Variants in PHGDH observed in about 807,000 individuals in gnomAD.
The protein encoded by PHGDH is D-3-phosphoglycerate dehydrogenase.
Under a neutral mutation model 52.6 loss-of-function variants are expected in PHGDH, and 50 were observed. The ratio of observed to expected loss-of-function variants is 0.95; its 90% CI spans 0.76 to 1.20. The LOEUF is 1.20. Ranked by LOEUF, PHGDH falls within the 50% of genes most tolerant of loss-of-function variation. PHGDH has a pLI of 0.00. For synonymous variants in PHGDH, 271 were observed against 280.5 expected, an observed-to-expected ratio of 0.97 and a Z score of 0.34; for missense variants, 630 against 684.6, an observed-to-expected ratio of 0.92 and a Z score of 0.89.
At chr1:119,735,505 G>A in intron 7 of PHGDH, 62 bp downstream of exon 7, 1 of 1,519,252 alleles carries the variant, frequency 6.6e-7, no homozygotes, top group Non-Finnish European at 9.0e-7. Context: ...AGAGGCCCAT[G>A]GCAGGGAAAG....
intron 1 of PHGDH, among the ~76,000 whole-genome samples, chr1:119,716,162 ACT>A (rs973567542): frequency 6.6e-5 from 10 of 152,008 alleles, no homozygotes; most frequent in African/African-American, 2.2e-4. Flanking sequence ...AAGCTCATTA[ACT>A]CTGACTGATG....
chr1:119,734,033 A>C (rs587753026), intron 5 of PHGDH, among the ~76,000 whole-genome samples: 98 of 152,288 alleles, frequency 6.4e-4, no homozygotes, highest in African/African-American at 2.3e-3. Flanking sequence ...GAGGGCATGC[A>C]GTCTTGCTCC....
At chr1:119,725,892 T>A (rs587765231) in intron 3 of PHGDH, among the ~76,000 whole-genome samples, 1 of 152,338 alleles carries the variant, frequency 6.6e-6, no homozygotes, top group East Asian at 1.9e-4. Flanking sequence ...TGGGGAGAAC[T>A]GTTTAACCTC....
chr1:119,728,664 G>A (rs941855957), intron 5 of PHGDH, among the ~76,000 whole-genome samples: 3 of 152,098 alleles, frequency 2.0e-5, no homozygotes, highest in African/African-American at 7.2e-5. Flanking sequence ...AATGAGAGAG[G>A]CAATTCAGCT....
At chr1:119,712,640 C>T (rs374722513) in intron 1 of PHGDH, 154 of 179,232 alleles carry the variant, frequency 8.6e-4, no homozygotes, top group African/African-American at 3.3e-3. Context: ...AGTTCTGGGC[C>T]GCCCCGCCGA....
Position 119,712,167 on chromosome 1 carries a change from C to CGA in PHGDH, c.138+16_138+17dup. 2 of 1,613,222 alleles carry CGA rather than the reference C, an allele frequency of 1.2e-6. No individual in the cohort carries two copies. The highest frequency in any genetic ancestry group is 1.7e-6 in the Non-Finnish European group (2 of 1,179,518). On this transcript the variant is annotated splice_region_variant and intron_variant, in intron 1 of 11. Transcript: ENST00000641023. ...GCTGATAGCGGAGCTGCAGGTAAGG[C>CGA]GAGAGAGAGAAAATTGAGGTCTCTA... is the stretch of plus-strand genomic sequence containing the variant.
At chr1:119,724,530 G>A in intron 3 of PHGDH, 1 of 361,758 alleles carries the variant, frequency 2.8e-6, no homozygotes, top group Non-Finnish European at 5.4e-6. Flanking sequence ...CAGCAGTAGG[G>A]TCTCAGCCTA....
At chr1:119,742,397 A>G in intron 10 of PHGDH, 1 of 384,210 alleles carries the variant, frequency 2.6e-6, no homozygotes, top group Non-Finnish European at 4.9e-6. Context: ...CAGAAGGGAT[A>G]GGCAGTAGAG....
rs1275809847 is a variant in PHGDH, at chr1:119,740,421, A to T, written c.981A>T (p.Pro327=). 7 of 1,613,688 alleles carry T rather than the reference A, an allele frequency of 4.3e-6. No individual in the cohort carries two copies. The highest frequency in any genetic ancestry group is 5.9e-6 in the Non-Finnish European group (7 of 1,179,876). ...NAQALTSAFS[P]HTKPWIGLAE... ...AGGCCCTTACCAGTGCCTTCTCTCC[A>T]CACACCAAGCCTTGGATTGGTCTGG... Residue 327 remains proline (P), a synonymous_variant, in exon 9 of 12, where the codon CCA becomes CCT. Coordinates refer to ENST00000641023, the MANE Select transcript of PHGDH (RefSeq NM_006623.4).
At chr1:119,743,449 C>G (rs1311540515) in intron 11 of PHGDH, among the ~76,000 whole-genome samples, 1 of 152,188 alleles carries the variant, frequency 6.6e-6, no homozygotes, top group Non-Finnish European at 1.5e-5. Context: ...GCAGCAAAAC[C>G]TACAAAGCCT....
chr1:119,715,987 G>A (rs1268651810), intron 1 of PHGDH: 2 of 152,632 alleles, frequency 1.3e-5, no homozygotes, highest in African/African-American at 4.8e-5. Context: ...GACAGCTTGG[G>A]GCAAAGTCTT....
At chr1:119,740,085 C>T (rs189122086) in intron 8 of PHGDH, 23 of 422,872 alleles carry the variant, frequency 5.4e-5, no homozygotes, top group African/African-American at 4.4e-4. Flanking sequence ...CCAATCCCTT[C>T]CCCAGTGCAG....
chr1:119,737,284 G>C lies in PHGDH; in HGVS notation c.945+18G>C. 1 of 1,607,028 alleles carries C rather than the reference G, an allele frequency of 6.2e-7. No homozygotes were observed. The highest frequency in any genetic ancestry group is 8.5e-7 in the Non-Finnish European group (1 of 1,174,070). On this transcript the variant is annotated intron_variant, in intron 8 of 11. Transcript: ENST00000641023. ...CGGGGGTTGTAAGTATCACCACCTG[G>C]GGCTGGGGGCCAGGAGTCAGAGGGA...
At position 119,720,974 on chromosome 1, in the gene PHGDH, A is replaced by G. The variant is rs371101136; in HGVS notation, c.139-196A>G. The G allele has an allele frequency of 8.0e-5, 51 of 634,100 alleles. No homozygotes were observed. The East Asian group carries it at 1.1e-3, about 14-fold the overall frequency. The allele number at this position is 634,100 out of a possible 1,614,324, so 39.3% of individuals were successfully genotyped here. Reference sequence around the variant, plus strand: ...TTAGAGGCACAGTCTCCTCCACTCTAAGTAAAAATCAGCATGAGTCCTAGC... The same window carrying G: ...TTAGAGGCACAGTCTCCTCCACTCTGAGTAAAAATCAGCATGAGTCCTAGC... On this transcript the variant is annotated intron_variant, in intron 1 of 11. Coordinates refer to ENST00000641023, the MANE Select transcript of PHGDH (RefSeq NM_006623.4).
At chr1:119,712,803 A>G (rs1316401784) in intron 1 of PHGDH, among the ~76,000 whole-genome samples, 1 of 152,174 alleles carries the variant, frequency 6.6e-6, no homozygotes, top group Non-Finnish European at 1.5e-5. Flanking sequence ...CGTCTGATGC[A>G]AGACTGCTCC....
At chr1:119,715,559 G>A (rs776711556) in intron 1 of PHGDH, among the ~76,000 whole-genome samples, 200 of 152,296 alleles carry the variant, frequency 1.3e-3, no homozygotes, top group Non-Finnish European at 2.5e-3. Context: ...TCAGAGGCAT[G>A]GCAATGCTAG....
intron 7 of PHGDH, among the ~76,000 whole-genome samples, chr1:119,736,006 A>C (rs1651918643): frequency 1.3e-5 from 2 of 152,054 alleles, no homozygotes; most frequent in African/African-American, 2.4e-5. Context: ...GTGCATTTGC[A>C]CTCGAATCCT....
chr1:119,723,714 A>C (rs1651275653), intron 3 of PHGDH, among the ~76,000 whole-genome samples: 1 of 151,666 alleles, frequency 6.6e-6, no homozygotes, highest in South Asian at 2.1e-4. Context: ...TCTAGCCTCC[A>C]ACTCTTGCAA....
At position 119,715,456 on chromosome 1, in the gene PHGDH, T is replaced by A. The variant is rs145095988; in HGVS notation, c.138+3296T>A. Among the ~76,000 whole-genome samples the A allele has an allele frequency of 4.8e-3, 733 of 152,320 alleles. 5 individuals carry two copies. The highest frequency in any genetic ancestry group is 0.017 in the African/African-American group (701 of 41,572). On this transcript the variant is annotated intron_variant, in intron 1 of 11. Coordinates refer to ENST00000641023, the MANE Select transcript of PHGDH (RefSeq NM_006623.4). ...TAAATAACCATCAAATTAATCAGGA[T>A]CACACATCTTGTGCAAAACAGGGTA...
Sources: allele counts gnomAD v4.1 joint callset (sites outside exome capture counted in the v4.1 genomes callset), GRCh38; gene constraint gnomAD v4.1.1; transcripts MANE v1.5; gene names NCBI Gene and HGNC (gene_info 2026-07-23, HGNC 2026-07-21).